DHRS3: variants seen among roughly 807,000 people sequenced by gnomAD.
DHRS3 encodes the protein dehydrogenase/reductase 3.
DHRS3 carries 14 observed loss-of-function variants against 27.2 expected under a neutral mutation model. That is an observed-to-expected ratio of 0.52 (90% CI 0.34 to 0.81). The LOEUF is 0.81. Ranked by LOEUF, DHRS3 falls within the 30% of genes least tolerant of loss-of-function variation. The probability of loss-of-function intolerance (pLI) is 0.01; values close to 1 mark genes in which losing one functional copy is unlikely to be tolerated. For missense variants in DHRS3, 322 were observed against 406.2 expected, an observed-to-expected ratio of 0.79 and a Z score of 1.78; for synonymous variants, 165 against 175.9, an observed-to-expected ratio of 0.94 and a Z score of 0.49.
chr1:12,603,103 C>T (rs1646846451), intron 1 of DHRS3, among the ~76,000 whole-genome samples: 1 of 152,214 alleles, frequency 6.6e-6, no homozygotes, highest in African/African-American at 2.4e-5. Flanking sequence ...AGCTTGTGGG[C>T]ACCCCAGAGG....
intron 5 of DHRS3, among the ~76,000 whole-genome samples, chr1:12,571,199 G>A (rs1646533412): frequency 6.6e-6 from 1 of 152,246 alleles, no homozygotes; most frequent in Admixed American, 6.5e-5. Context: ...CAAGAAAACT[G>A]AGTGTGGGAC....
At chr1:12,575,695 CTAT>C (rs367636445) in intron 4 of DHRS3, among the ~76,000 whole-genome samples, 22 of 151,448 alleles carry the variant, frequency 1.5e-4, no homozygotes, top group South Asian at 2.1e-4. Context: ...AAAGGGGATA[CTAT>C]TATTATTATT....
At position 12,617,517 on chromosome 1, in the gene DHRS3, A is replaced by AAAT. The variant is rs1646952793; in HGVS notation, c.-170_-169insATT. Reference sequence around the variant, plus strand: ...CCAAATGCAAAGCACCGGGTGAGAAAAAGAAAAAAAAAAAAAAAAAAAAGA... The same window carrying AAAT: ...CCAAATGCAAAGCACCGGGTGAGAAAAATAAGAAAAAAAAAAAAAAAAAAAAGA... On this transcript the variant is annotated 5_prime_UTR_variant, in exon 1 of 6. Coordinates refer to ENST00000616661, the MANE Select transcript of DHRS3 (RefSeq NM_004753.7). The AAAT allele has an allele frequency of 7.4e-5, 25 of 337,214 alleles. No homozygotes were observed. Among genetic ancestry groups the AAAT allele is most frequent in the Admixed American group, 1.0e-4 (2 of 19,190 alleles). The allele number at this position is 337,214 out of a possible 1,614,324, so 20.9% of individuals were successfully genotyped here.
intron 2 of DHRS3, chr1:12,580,273 G>A: frequency 1.9e-6 from 1 of 530,230 alleles, no homozygotes; most frequent in Non-Finnish European, 3.4e-6. Context: ...CCCCGCCACA[G>A]TCCTGGAGAG....
rs1373722320 is a variant in DHRS3 at position 12,618,115 on chromosome 1, G to T, written c.-767C>A. Reference sequence around the variant, plus strand: ...CAGCAGAGGCTGGGAGTTGCCGCTCGATCCAGCTCCCCTTCTCTCCCTTTT... The same window carrying T: ...CAGCAGAGGCTGGGAGTTGCCGCTCTATCCAGCTCCCCTTCTCTCCCTTTT... On this transcript the variant is annotated 5_prime_UTR_variant, in exon 1 of 6. An upstream open reading frame in the 5' UTR gains an earlier in-frame stop. Coordinates refer to ENST00000616661, the MANE Select transcript of DHRS3 (RefSeq NM_004753.7). The surrounding 1 kb of genome is among the most constrained non-coding windows in gnomAD (Gnocchi z 4.2). Among the ~76,000 whole-genome samples, 1 of 152,064 alleles carries T rather than the reference G, an allele frequency of 6.6e-6. No homozygotes were observed. The highest frequency in any genetic ancestry group is 1.5e-5 in the Non-Finnish European group (1 of 68,006).
In DHRS3 at chr1:12,578,636, CT is replaced by C; in HGVS notation, c.698+81del. ...GCCTAGCCCGATTTTTATATCAGAG[CT>C]CTTTCTGCAGTTGGCTGACTGAATG... On this transcript the variant is annotated intron_variant, in intron 4 of 5. Transcript: ENST00000616661. The surrounding 1 kb of genome is among the most constrained non-coding windows in gnomAD (Gnocchi z 4.5). 1 of 1,380,362 alleles carries C rather than the reference CT, an allele frequency of 7.2e-7. No individual in the cohort carries two copies. Among genetic ancestry groups the C allele is most frequent in the Non-Finnish European group, 1.0e-6 (1 of 976,964 alleles). 85.5% of individuals were successfully genotyped at this position (1,380,362 alleles called of 1,614,324 possible). A position where few individuals can be genotyped will look rare whatever the true frequency, so the allele number is the denominator to read the frequency against.
intron 1 of DHRS3, 103 bp from the exon 2 acceptor site, chr1:12,580,769 G>GTCATTTCAAGGCCAGGA (rs1646637553): frequency 2.2e-6 from 3 of 1,372,878 alleles, no homozygotes; most frequent in Non-Finnish European, 3.0e-6. Flanking sequence ...GTCTTGAAAT[G>GTCATTTCAAGGCCAGGA]ACTGGCCTCC....
intron 1 of DHRS3, among the ~76,000 whole-genome samples, chr1:12,606,110 C>T (rs1214760982): frequency 7.1e-6 from 1 of 140,746 alleles, no homozygotes; most frequent in African/African-American, 2.7e-5. Context: ...TGCACTCCAG[C>T]CTGGCGACAG....
In DHRS3 at chr1:12,578,566, G is replaced by A; in HGVS notation, c.698+152C>T. On this transcript the variant is annotated intron_variant, in intron 4 of 5. Coordinates refer to ENST00000616661, the MANE Select transcript of DHRS3 (RefSeq NM_004753.7). The surrounding 1 kb of genome is among the most constrained non-coding windows in gnomAD (Gnocchi z 4.5). ...ATTGCTGGGCTCAAGCGATCCACCT[G>A]CCTTGGCTTCCCAAAATGCTAGGAT... 1 of 733,872 alleles carries A rather than the reference G, an allele frequency of 1.4e-6. No individual in the cohort carries two copies. Among genetic ancestry groups the A allele is most frequent in the South Asian group, 1.8e-5 (1 of 55,798 alleles). 45.5% of individuals were successfully genotyped at this position (733,872 alleles called of 1,614,324 possible). A position where few individuals can be genotyped will look rare whatever the true frequency, so the allele number is the denominator to read the frequency against.
intron 5 of DHRS3, among the ~76,000 whole-genome samples, chr1:12,571,168 C>A (rs934597856): frequency 3.3e-5 from 5 of 152,214 alleles, no homozygotes; most frequent in Admixed American, 2.6e-4. Flanking sequence ...GGACAAGGAT[C>A]TCCTGCTGTA....
rs1337355877 is a variant in DHRS3, at chr1:12,617,522, A to G, written c.-174T>C. 2.5e-6 allele frequency: 1 copy of G among 392,520 alleles called. No homozygotes were observed. Among genetic ancestry groups the G allele is most frequent in the Non-Finnish European group, 4.3e-6 (1 of 230,062 alleles). The allele number at this position is 392,520 out of a possible 1,614,324, so 24.3% of individuals were successfully genotyped here. The stretch of plus-strand genomic sequence containing the variant: ...TGCAAAGCACCGGGTGAGAAAAAGA[A>G]AAAAAAAAAAAAAAAAAAGATAAAT... On this transcript the variant is annotated 5_prime_UTR_variant, in exon 1 of 6. Coordinates refer to ENST00000616661, the MANE Select transcript of DHRS3 (RefSeq NM_004753.7).
chr1:12,568,356 A>G lies in DHRS3; in HGVS notation c.893T>C (p.Phe298Ser). The G allele has an allele frequency of 6.2e-7, 1 of 1,613,802 alleles. No homozygotes were observed. Among genetic ancestry groups the G allele is most frequent in the Non-Finnish European group, 8.5e-7 (1 of 1,179,774 alleles). ...ATCCTGTCTCTATGTCCGCCCTTTG[A>G]AAGTGTTCATGCAGGTGTAGGTTCC... ...FSGTYTCMNT[F>S]KGRT The change falls in exon 6 of 6, where the codon TTC becomes TCC. Residue 298 changes from phenylalanine (F) to serine (S), a missense_variant. Transcript: ENST00000616661.
intron 1 of DHRS3, among the ~76,000 whole-genome samples, chr1:12,610,323 C>T (rs1395165308): frequency 6.6e-6 from 1 of 151,822 alleles, no homozygotes; most frequent in African/African-American, 2.4e-5. Context: ...AACTCCTGAC[C>T]TCAAGTGTTC....
intron 1 of DHRS3, among the ~76,000 whole-genome samples, chr1:12,614,215 A>G (rs1056773441): frequency 6.6e-6 from 1 of 152,114 alleles, no homozygotes; most frequent in African/African-American, 2.4e-5. Flanking sequence ...ATACTTCTAA[A>G]TGAACGGTCC....
chr1:12,600,985 G>C (rs537126947), intron 1 of DHRS3, among the ~76,000 whole-genome samples: 2 of 151,640 alleles, frequency 1.3e-5, no homozygotes, highest in East Asian at 3.9e-4. Flanking sequence ...AGATGGGTGG[G>C]GGGTTGGGGG....
At chr1:12,598,264 T>C (rs577020597) in intron 1 of DHRS3, among the ~76,000 whole-genome samples, 7 of 152,198 alleles carry the variant, frequency 4.6e-5, no homozygotes, top group Non-Finnish European at 8.8e-5. Flanking sequence ...GGTGCGCGCC[T>C]GTAGTCCCGG....
Position 12,608,266 on chromosome 1 carries a change from C to T in DHRS3, c.195+8888G>A, listed in dbSNP as rs985482837. On this transcript the variant is annotated intron_variant, in intron 1 of 5. Transcript: ENST00000616661. The surrounding 1 kb of genome is among the most constrained non-coding windows in gnomAD (Gnocchi z 4.1). ...TACCACAGTCACGTATATTACCAAT[C>T]GTGTATGGTACCACAGACATGTAGA... Among the ~76,000 whole-genome samples, 4 of 152,086 alleles carry T rather than the reference C, an allele frequency of 2.6e-5. No individual in the cohort carries two copies. Among genetic ancestry groups the T allele is most frequent in the East Asian group, 1.9e-4 (1 of 5,198 alleles).
intron 5 of DHRS3, among the ~76,000 whole-genome samples, chr1:12,568,955 G>A (rs1327372347): frequency 6.6e-6 from 1 of 152,116 alleles, no homozygotes; most frequent in Non-Finnish European, 1.5e-5. Context: ...GGGCGTGGTG[G>A]CTCATGCCTG....
intron 1 of DHRS3, chr1:12,600,494 G>A: frequency 3.1e-6 from 2 of 636,752 alleles, no homozygotes; most frequent in Non-Finnish European, 3.9e-6. Flanking sequence ...GCAGCCAAGG[G>A]TGGACAGACG....
Sources: allele counts gnomAD v4.1 joint callset (sites outside exome capture counted in the v4.1 genomes callset), GRCh38; gene constraint gnomAD v4.1.1; non-coding constraint Gnocchi (gnomAD v3.1); transcripts MANE v1.5; gene names NCBI Gene and HGNC (gene_info 2026-07-23, HGNC 2026-07-21).